The following EYS variants were observed in gnomAD, a reference collection of about 807,000 sequenced individuals.
The protein encoded by EYS is EGF-like photoreceptor maintenance factor.
In EYS, 250 loss-of-function variants were observed where a neutral mutation model predicts 282.1. The observed-to-expected ratio is 0.89, with a 90% CI of 0.80 to 0.98. The LOEUF (loss-of-function observed/expected upper bound fraction) is 0.98, where lower values mean the gene tolerates loss of function less well. Ranked by LOEUF, EYS falls within the 50% of genes least tolerant of loss-of-function variation. The pLI, the probability that EYS is intolerant of heterozygous loss-of-function variation, is 0.00. For synonymous variants in EYS, 1,355 were observed against 1,282.9 expected (o/e 1.06, Z -1.20); for missense variants, 4,016 against 3,709.0 (o/e 1.08, Z -2.15).
At chr6:65,573,292 C>T (rs113420594) in intron 2 of EYS, among the ~76,000 whole-genome samples, 28 of 152,176 alleles carry the variant, frequency 1.8e-4, no homozygotes, top group African/African-American at 3.9e-4. Flanking sequence ...GATCAGAATA[C>T]GCAAGATGTC....
intron 14 of EYS, among the ~76,000 whole-genome samples, chr6:64,994,350 T>C (rs1189327285): frequency 6.6e-6 from 1 of 152,162 alleles, no homozygotes; most frequent in East Asian, 1.9e-4. Context: ...AGCATCATGA[T>C]GCTGCAATAC....
chr6:64,337,705 A>T (rs2150394510), intron 29 of EYS, among the ~76,000 whole-genome samples: 1 of 152,214 alleles, frequency 6.6e-6, no homozygotes, highest in Middle Eastern at 3.4e-3. Flanking sequence ...AATATCCCTG[A>T]CGAATACAGA....
At chr6:64,972,048 T>C (rs1036200126) in intron 14 of EYS, among the ~76,000 whole-genome samples, 1 of 152,106 alleles carries the variant, frequency 6.6e-6, no homozygotes, top group Non-Finnish European at 1.5e-5. Flanking sequence ...AAAGCGTTTC[T>C]AGCAATGTAT....
intron 26 of EYS, among the ~76,000 whole-genome samples, chr6:64,451,853 G>A (rs1433213052): frequency 4.6e-5 from 7 of 152,194 alleles, no homozygotes; most frequent in Admixed American, 1.3e-4. Flanking sequence ...TTGATGGGAC[G>A]TATCTCAAAA....
intron 36 of EYS, among the ~76,000 whole-genome samples, chr6:63,806,574 A>T (rs1770914670): frequency 6.6e-6 from 1 of 152,188 alleles, no homozygotes; most frequent in Non-Finnish European, 1.5e-5. Context: ...GTGTTTTGAG[A>T]TCTTCTATAT....
intron 41 of EYS, among the ~76,000 whole-genome samples, chr6:63,730,796 C>A (rs543700666): frequency 1.3e-5 from 2 of 151,942 alleles, no homozygotes; most frequent in Non-Finnish European, 2.9e-5. Flanking sequence ...GCAAGGTGGG[C>A]GGATCACGAG....
intron 22 of EYS, among the ~76,000 whole-genome samples, chr6:64,680,659 A>C (rs886314934): frequency 6.6e-6 from 1 of 152,084 alleles, no homozygotes; most frequent in Admixed American, 6.6e-5. Context: ...TCTACACCCA[A>C]CCCCAACTCA....
chr6:63,743,768 A>G (rs12190601), intron 41 of EYS, among the ~76,000 whole-genome samples: 83,554 of 152,072 alleles, frequency 0.55, 24,570 homozygotes, highest in African/African-American at 0.77. Context: ...AAAGAAGAAC[A>G]TTTGAGTATT....
intron 29 of EYS, among the ~76,000 whole-genome samples, chr6:64,383,094 C>G (rs1299515294): frequency 1.3e-5 from 2 of 151,454 alleles, no homozygotes; most frequent in East Asian, 3.9e-4. Flanking sequence ...TTGAGACAAG[C>G]CTGGGAAACA....
intron 19 of EYS, among the ~76,000 whole-genome samples, chr6:64,846,479 A>G (rs1475210): frequency 0.56 from 84,677 of 151,940 alleles, 24,324 homozygotes; most frequent in Non-Finnish European, 0.62. Flanking sequence ...GGGGTGGAGA[A>G]AAACAAATGG....
chr6:64,919,238 C>G (rs1768260916), intron 15 of EYS, among the ~76,000 whole-genome samples: 1 of 152,030 alleles, frequency 6.6e-6, no homozygotes, highest in Non-Finnish European at 1.5e-5. Flanking sequence ...GTGGCGCGTT[C>G]TCGGCTCACT....
At chr6:64,296,224 G>T (rs1200479652) in intron 30 of EYS, among the ~76,000 whole-genome samples, 1 of 152,026 alleles carries the variant, frequency 6.6e-6, no homozygotes, top group East Asian at 1.9e-4. Flanking sequence ...TGTATGTGTT[G>T]GGAGGCCAGA....
intron 34 of EYS, among the ~76,000 whole-genome samples, chr6:63,987,599 T>A (rs2149794219): frequency 6.6e-6 from 1 of 151,792 alleles, no homozygotes; most frequent in African/African-American, 2.4e-5. Flanking sequence ...TTCAGGGCTG[T>A]TAGGCATATG....
intron 30 of EYS, among the ~76,000 whole-genome samples, chr6:64,245,652 G>A (rs1766987353): frequency 1.3e-5 from 2 of 152,124 alleles, no homozygotes; most frequent in Non-Finnish European, 2.9e-5. Flanking sequence ...GTCTCATGGT[G>A]CTTTTTATTT....
chr6:64,820,920 A>G (rs749633120), intron 21 of EYS, among the ~76,000 whole-genome samples: 3 of 152,062 alleles, frequency 2.0e-5, no homozygotes, highest in Non-Finnish European at 2.9e-5. Context: ...AGAGACACAA[A>G]GAATGTAATA....
At chr6:64,439,850 T>A (rs953424848) in intron 26 of EYS, among the ~76,000 whole-genome samples, 2 of 151,884 alleles carry the variant, frequency 1.3e-5, no homozygotes, top group Non-Finnish European at 2.9e-5. Flanking sequence ...TCTAATTAGC[T>A]GTAGATTTTC....
At chr6:65,195,805 A>G (rs1765751284) in intron 12 of EYS, among the ~76,000 whole-genome samples, 1 of 152,072 alleles carries the variant, frequency 6.6e-6, no homozygotes, top group Non-Finnish European at 1.5e-5. Flanking sequence ...ATATTAGTGA[A>G]AAATGCTGCT....
At chr6:64,514,446 GCCGGGCCATGGC>G (rs1777500070) in intron 26 of EYS, among the ~76,000 whole-genome samples, 1 of 151,792 alleles carries the variant, frequency 6.6e-6, no homozygotes, top group Non-Finnish European at 1.5e-5. Context: ...ATTCAGGACA[GCCGGGCCATGGC>G]CTTGTGACCT....
chr6:64,083,172 G>A (rs1009920441), intron 31 of EYS, among the ~76,000 whole-genome samples: 1 of 152,152 alleles, frequency 6.6e-6, no homozygotes, highest in Non-Finnish European at 1.5e-5. Context: ...GCCTCCCAAA[G>A]TGCTGGAATT....
Sources: allele counts gnomAD v4.1 joint callset (sites outside exome capture counted in the v4.1 genomes callset), GRCh38; gene constraint gnomAD v4.1.1; transcripts MANE v1.5; gene names NCBI Gene and HGNC (gene_info 2026-07-23, HGNC 2026-07-21).